Variants in ADAMTS3 observed in about 807,000 individuals in gnomAD.
ADAMTS3 encodes the protein A disintegrin and metalloproteinase with thrombospondin motifs 3.
A neutral mutation model predicts 129.0 loss-of-function variants in ADAMTS3; 73 were observed. The observed-to-expected ratio is 0.57, with a 90% CI of 0.47 to 0.69. The LOEUF (loss-of-function observed/expected upper bound fraction) is 0.69, where lower values mean the gene tolerates loss of function less well. Ranked by LOEUF, ADAMTS3 falls within the 30% of genes least tolerant of loss-of-function variation. The pLI is 0.00. For missense variants in ADAMTS3, 1,457 were observed against 1,514.5 expected (o/e 0.96, Z 0.63); for synonymous variants, 477 against 510.8 (o/e 0.93, Z 0.89).
intron 2 of ADAMTS3, among the ~76,000 whole-genome samples, chr4:72,550,924 C>A (rs1469849547): frequency 6.6e-6 from 1 of 152,020 alleles, no homozygotes; most frequent in Non-Finnish European, 1.5e-5. Context: ...ACTCCCAATA[C>A]CATCATACAA....
intron 4 of ADAMTS3, among the ~76,000 whole-genome samples, chr4:72,378,968 AG>A (rs2109876532): frequency 6.6e-6 from 1 of 152,254 alleles, no homozygotes; most frequent in East Asian, 1.9e-4. Context: ...ATGTCAGACA[AG>A]AATCACTCAG....
At chr4:72,489,867 T>C (rs964969870) in intron 3 of ADAMTS3, among the ~76,000 whole-genome samples, 2 of 151,808 alleles carry the variant, frequency 1.3e-5, no homozygotes, top group Admixed American at 1.3e-4. Flanking sequence ...GATAAGGAAG[T>C]TGCTGTATAT....
At chr4:72,516,290 T>TCCAGC (rs1720476315) in intron 3 of ADAMTS3, among the ~76,000 whole-genome samples, 1 of 152,200 alleles carries the variant, frequency 6.6e-6, no homozygotes, top group Non-Finnish European at 1.5e-5. Context: ...AGCTTCGTTC[T>TCCAGC]TTTAGCTTAG....
intron 3 of ADAMTS3, among the ~76,000 whole-genome samples, chr4:72,465,419 G>T (rs1448958410): frequency 6.6e-6 from 1 of 152,022 alleles, no homozygotes; most frequent in African/African-American, 2.4e-5. Flanking sequence ...AGGCCTTGCA[G>T]ATGATGGTAC....
At chr4:72,400,339 G>T (rs1366356498) in intron 4 of ADAMTS3, among the ~76,000 whole-genome samples, 1 of 142,450 alleles carries the variant, frequency 7.0e-6, no homozygotes, top group Admixed American at 6.8e-5. Flanking sequence ...TATACACACG[G>T]TGTGTATATA....
At chr4:72,322,886 A>C (rs1719594580) in intron 6 of ADAMTS3, 128 bp downstream of exon 6, 1 of 659,278 alleles carries the variant, frequency 1.5e-6, no homozygotes, top group East Asian at 2.6e-5. Context: ...CTTCTCCTCA[A>C]TTTCAAGCAA....
At chr4:72,535,693 G>T (rs1290289387) in intron 3 of ADAMTS3, among the ~76,000 whole-genome samples, 1 of 151,970 alleles carries the variant, frequency 6.6e-6, no homozygotes, top group African/African-American at 2.4e-5. Context: ...CAGAGGGGCA[G>T]AAAACACCCA....
rs1721600008 is a variant in ADAMTS3, at chr4:72,550,062, AGGAAG to A, written c.98-1183_98-1179del. Among the ~76,000 whole-genome samples the A allele has an allele frequency of 5.8e-4, 6 of 10,394 alleles. 2 individuals carry two copies. The highest frequency in any genetic ancestry group is 6.5e-3 in the East Asian group (2 of 306). 6.8% of individuals were successfully genotyped at this position (10,394 alleles called of 152,430 possible). ...GAAGAAGAGGAAGAGGAAGAGGAAG[AGGAAG>A]AGGAAGAGGAAGAGGAAGAAGAAGA... is the stretch of plus-strand genomic sequence containing the variant. On this transcript the variant is annotated intron_variant, in intron 2 of 21. Coordinates refer to ENST00000286657, the MANE Select transcript of ADAMTS3 (RefSeq NM_014243.3).
At chr4:72,292,126 C>G (rs1164089607) in intron 19 of ADAMTS3, among the ~76,000 whole-genome samples, 1 of 152,180 alleles carries the variant, frequency 6.6e-6, no homozygotes, top group Admixed American at 6.5e-5. Context: ...CAGAATCCAT[C>G]TAATGGTTGC....
intron 3 of ADAMTS3, among the ~76,000 whole-genome samples, chr4:72,443,195 C>A (rs2109962227): frequency 1.3e-5 from 2 of 151,784 alleles, no homozygotes; most frequent in Middle Eastern, 6.8e-3. Context: ...CATCAAAAGA[C>A]ATGTATATGT....
intron 3 of ADAMTS3, among the ~76,000 whole-genome samples, chr4:72,512,587 A>T (rs546210723): frequency 1.4e-4 from 21 of 152,228 alleles, no homozygotes; most frequent in Non-Finnish European, 2.2e-4. Context: ...ATATTTTAAC[A>T]TAACTGAAAG....
rs550898101 is a variant in ADAMTS3, at chr4:72,527,805, G to A, written c.504+20673C>T. 2.6e-5 allele frequency among the ~76,000 whole-genome samples: 4 copies of A among 152,256 alleles called. No homozygotes were observed. The South Asian group carries it at 8.3e-4, about 31-fold the overall frequency. ...CAAGGCCGAGCTCTGGGTACCAAGA[G>A]GAAGGAAGGACAGGGATTCTACCCA... On this transcript the variant is annotated intron_variant, in intron 3 of 21. Transcript: ENST00000286657.
chr4:72,294,976 T>G (rs1234024505), intron 19 of ADAMTS3, among the ~76,000 whole-genome samples: 1 of 151,992 alleles, frequency 6.6e-6, no homozygotes, highest in Non-Finnish European at 1.5e-5. Flanking sequence ...CTAAGACTCT[T>G]CCATTTCTAT....
intron 3 of ADAMTS3, among the ~76,000 whole-genome samples, chr4:72,509,868 A>T (rs1720267467): frequency 6.6e-6 from 1 of 152,004 alleles, no homozygotes; most frequent in Non-Finnish European, 1.5e-5. Flanking sequence ...TCCTCAAAAA[A>T]CTACTAGCAA....
intron 4 of ADAMTS3, among the ~76,000 whole-genome samples, chr4:72,411,887 A>C (rs189292304): frequency 2.0e-5 from 3 of 152,146 alleles, no homozygotes; most frequent in Non-Finnish European, 2.9e-5. Context: ...AAACTCCATC[A>C]GTTTTCCTTC....
intron 3 of ADAMTS3, among the ~76,000 whole-genome samples, chr4:72,496,448 T>A (rs1578734127): frequency 6.6e-6 from 1 of 152,304 alleles, no homozygotes; most frequent in East Asian, 1.9e-4. Flanking sequence ...AAGACTAGCA[T>A]CAGCCTGATC....
At chr4:72,525,703 T>G (rs1720788317) in intron 3 of ADAMTS3, among the ~76,000 whole-genome samples, 1 of 152,206 alleles carries the variant, frequency 6.6e-6, no homozygotes, top group Admixed American at 6.5e-5. Context: ...TCCTGAGCTA[T>G]GCTTCTTGTT....
intron 3 of ADAMTS3, among the ~76,000 whole-genome samples, chr4:72,502,451 A>G (rs1720050780): frequency 6.6e-6 from 1 of 152,100 alleles, no homozygotes; most frequent in African/African-American, 2.4e-5. Context: ...CTGTGGAATC[A>G]GTTGTAGTCA....
intron 3 of ADAMTS3, among the ~76,000 whole-genome samples, chr4:72,516,563 G>A (rs1052892984): frequency 3.3e-5 from 5 of 152,116 alleles, no homozygotes; most frequent in Non-Finnish European, 7.3e-5. Context: ...TCCCTTGTAA[G>A]TTGGATTCCT....
Sources: gnomAD v4.1 joint callset for allele counts (sites outside exome capture counted in the v4.1 genomes callset) on GRCh38, gnomAD v4.1.1 for gene constraint, MANE v1.5 for transcripts, NCBI Gene and HGNC (gene_info 2026-07-23, HGNC 2026-07-21) for gene names.